Variants in RAP1GAP2 observed in about 807,000 individuals in gnomAD.
RAP1GAP2 encodes rap1 GTPase-activating protein 2.
A neutral mutation model predicts 95.0 loss-of-function variants in RAP1GAP2; 27 were observed. The observed-to-expected ratio is 0.28, with a 90% CI of 0.21 to 0.39. RAP1GAP2 has a LOEUF of 0.39. RAP1GAP2 is among the 10% of genes least tolerant of loss of function. RAP1GAP2 has a pLI of 1.00. For missense variants in RAP1GAP2, 771 were observed against 970.0 expected (o/e 0.79, Z 2.72); for synonymous variants, 373 against 380.9 (o/e 0.98, Z 0.24).
chr17:2,977,809 TA>T (rs1371837359), intron 8 of RAP1GAP2, among the ~76,000 whole-genome samples: 5 of 129,412 alleles, frequency 3.9e-5, no homozygotes, highest in African/African-American at 1.2e-4. Context: ...AAGACTGGAA[TA>T]ACACCTTGAT....
At chr17:3,002,072 C>A (rs1287359970) in intron 14 of RAP1GAP2, among the ~76,000 whole-genome samples, 1 of 151,404 alleles carries the variant, frequency 6.6e-6, no homozygotes, top group African/African-American at 2.4e-5. Flanking sequence ...AAGCAATTCT[C>A]CTGCCTCAGC....
intron 2 of RAP1GAP2, among the ~76,000 whole-genome samples, chr17:2,869,439 GAA>G (rs113819769): frequency 4.9e-5 from 7 of 142,996 alleles, no homozygotes; most frequent in African/African-American, 1.0e-4. Context: ...GTAAAATGAT[GAA>G]AAAAAAAAAA....
At chr17:2,795,394 G>A (rs144262594), upstream of RAP1GAP2, among the ~76,000 whole-genome samples, 517 of 152,314 alleles carry the variant, frequency 3.4e-3, 6 homozygotes, top group South Asian at 0.035. Context: ...CTGGCCCTGT[G>A]GTGTGCAGAC....
chr17:2,928,773 T>C (rs2043047902), intron 3 of RAP1GAP2, among the ~76,000 whole-genome samples: 1 of 151,756 alleles, frequency 6.6e-6, no homozygotes, highest in Non-Finnish European at 1.5e-5. Flanking sequence ...ACCCAGATGG[T>C]CTCTTCTGGG....
chr17:2,935,510 A>T (rs1331593546), intron 3 of RAP1GAP2, among the ~76,000 whole-genome samples: 1 of 152,180 alleles, frequency 6.6e-6, no homozygotes, highest in Non-Finnish European at 1.5e-5. Context: ...TCTGTCACAC[A>T]CACACACACA....
intron 3 of RAP1GAP2, among the ~76,000 whole-genome samples, chr17:2,932,371 G>A (rs1327020167): frequency 6.6e-6 from 1 of 151,980 alleles, no homozygotes; most frequent in Non-Finnish European, 1.5e-5. Flanking sequence ...CAGTGGAGGA[G>A]GAGGGAGACT....
chr17:2,810,502 C>T (rs1465815554), intron 2 of RAP1GAP2, among the ~76,000 whole-genome samples: 15 of 149,024 alleles, frequency 1.0e-4, no homozygotes, highest in Admixed American at 4.0e-4. Flanking sequence ...TTAATGCTAT[C>T]CCTCCCCTGT....
chr17:3,003,055 C>G lies in RAP1GAP2; in HGVS notation c.1201-2314C>G, dbSNP rs747619893. On this transcript the variant is annotated intron_variant, in intron 14 of 24. Transcript: ENST00000254695. The surrounding 1 kb of genome is among the most constrained non-coding windows in gnomAD (Gnocchi z 4.1). Reference sequence around the variant, plus strand: ...CTCATGCCAGGCACGGTGCTGGGTCCTTAGACGCACAGTCTTGAATCCTGA... The same window carrying G: ...CTCATGCCAGGCACGGTGCTGGGTCGTTAGACGCACAGTCTTGAATCCTGA... Among the ~76,000 whole-genome samples, 3 of 152,152 alleles carry G rather than the reference C, an allele frequency of 2.0e-5. No homozygotes were observed. Among genetic ancestry groups the G allele is most frequent in the Admixed American group, 6.5e-5 (1 of 15,274 alleles).
At position 2,802,458 on chromosome 17, in the gene RAP1GAP2, C is replaced by T. The variant is rs149743915; in HGVS notation, c.80+1908C>T. ...GATGTGGTGGTTCACGCCTGTAATC[C>T]CAGTACTTTGGGAGGCCAAGGTGGG... On this transcript the variant is annotated intron_variant, in intron 2 of 24. Coordinates refer to ENST00000254695, the MANE Select transcript of RAP1GAP2 (RefSeq NM_015085.5). Among the ~76,000 whole-genome samples the T allele has an allele frequency of 3.9e-3, 600 of 152,178 alleles. 6 individuals carry two copies. The highest frequency in any genetic ancestry group is 0.012 in the East Asian group (64 of 5,172).
rs2072672412 is a variant in RAP1GAP2 at position 2,867,680 on chromosome 17, G to A, written c.81-37604G>A. ...CCGGGATGCAGGGACTTGGCTGGGAGTATAGGAGGGATGGGTCACCTAAGG... is the reference window on the plus strand; with the variant it reads ...CCGGGATGCAGGGACTTGGCTGGGAATATAGGAGGGATGGGTCACCTAAGG... On this transcript the variant is annotated intron_variant, in intron 2 of 24. Transcript: ENST00000254695. The surrounding 1 kb of genome is among the most constrained non-coding windows in gnomAD (Gnocchi z 4.5). Among the ~76,000 whole-genome samples, 1 of 152,174 alleles carries A rather than the reference G, an allele frequency of 6.6e-6. No individual in the cohort carries two copies. The highest frequency in any genetic ancestry group is 1.5e-5 in the Non-Finnish European group (1 of 68,034).
intron 2 of RAP1GAP2, among the ~76,000 whole-genome samples, chr17:2,803,595 G>A (rs1056228908): frequency 7.9e-5 from 12 of 152,176 alleles, no homozygotes; most frequent in Admixed American, 1.3e-4. Context: ...AAAACGTATC[G>A]CGGCCAGGCG....
chr17:2,998,306 C>A lies in RAP1GAP2; in HGVS notation c.1130C>A (p.Ala377Asp). The A allele has an allele frequency of 6.2e-7, 1 of 1,614,022 alleles. No homozygotes were observed. The highest frequency in any genetic ancestry group is 8.5e-7 in the Non-Finnish European group (1 of 1,179,882). Residue 377 changes from alanine to aspartate, a missense_variant, in exon 14 of 25, where the codon GCC becomes GAC. By Grantham distance (126) the Ala-to-Asp change is moderately radical. Transcript: ENST00000254695. ...ACGCCGTTTGTCCCAGACATGATAG[C>A]CTCCAATTTCTTACATGCCTACATC... ...ENTPFVPDMI[A>D]SNFLHAYIVV...
intron 3 of RAP1GAP2, among the ~76,000 whole-genome samples, chr17:2,916,563 C>T (rs1290872311): frequency 6.6e-6 from 1 of 152,202 alleles, no homozygotes; most frequent in African/African-American, 2.4e-5. Flanking sequence ...CCCACCTCTA[C>T]AGACTGCTCT....
At chr17:3,023,745 G>A (rs1367970575) in intron 19 of RAP1GAP2, among the ~76,000 whole-genome samples, 6 of 152,028 alleles carry the variant, frequency 3.9e-5, no homozygotes, top group Admixed American at 2.0e-4. Flanking sequence ...CCATCAACCC[G>A]TCATCTAGGT....
intron 2 of RAP1GAP2, among the ~76,000 whole-genome samples, chr17:2,897,255 C>T (rs1052462083): frequency 2.6e-5 from 4 of 151,898 alleles, no homozygotes; most frequent in African/African-American, 4.8e-5. Flanking sequence ...GGAGAATTGC[C>T]GGAACCCAGG....
rs1402086717 is a variant in RAP1GAP2 at position 2,796,745 on chromosome 17, T to C, written c.44+174T>C. 6.6e-6 allele frequency among the ~76,000 whole-genome samples: 1 copy of C among 152,208 alleles called. No homozygotes were observed. Among genetic ancestry groups the C allele is most frequent in the Non-Finnish European group, 1.5e-5 (1 of 68,030 alleles). On this transcript the variant is annotated intron_variant, in intron 1 of 24. Transcript: ENST00000254695. This position sits in a 1 kb window ranked among gnomAD's most constrained non-coding sequence, Gnocchi z 4.7. ...ATCCTGGTGGGGACATCAGAGACCG[T>C]AAGCCTTCCCCACTGTCCCTGGGCA...
chr17:2,768,361 C>G (rs1487442360), intron 1 of RAP1GAP2, among the ~76,000 whole-genome samples: 2 of 152,176 alleles, frequency 1.3e-5, no homozygotes, highest in Non-Finnish European at 2.9e-5. Flanking sequence ...AGGGCAGGGA[C>G]TATGTCAGTT....
chr17:2,928,807 G>A (rs2043049210), intron 3 of RAP1GAP2, among the ~76,000 whole-genome samples: 3 of 152,072 alleles, frequency 2.0e-5, no homozygotes, highest in African/African-American at 4.8e-5. Context: ...CTGTTGTGAG[G>A]GATGGGGAGT....
intron 3 of RAP1GAP2, among the ~76,000 whole-genome samples, chr17:2,919,222 C>T (rs1171149433): frequency 6.6e-6 from 1 of 152,168 alleles, no homozygotes; most frequent in Non-Finnish European, 1.5e-5. Flanking sequence ...AACCAGGATC[C>T]AGCCCAGCAT....
Sources: allele counts gnomAD v4.1 joint callset (sites outside exome capture counted in the v4.1 genomes callset), GRCh38; gene constraint gnomAD v4.1.1; non-coding constraint Gnocchi (gnomAD v3.1); transcripts MANE v1.5; gene names NCBI Gene and HGNC (gene_info 2026-07-23, HGNC 2026-07-21).